Variants in ASIC2 observed in about 807,000 individuals in gnomAD.
ASIC2 encodes acid-sensing ion channel 2.
Under a neutral mutation model 57.3 loss-of-function variants are expected in ASIC2, and 25 were observed. The observed-to-expected ratio is 0.44, with a 90% CI of 0.32 to 0.61. The LOEUF is 0.61. Among genes scored for constraint, ASIC2 ranks in the 20% least tolerant of loss-of-function variants. ASIC2 has a pLI of 0.06. For synonymous variants in ASIC2, 319 were observed against 307.5 expected (o/e 1.04, Z -0.39); for missense variants, 641 against 738.1 (o/e 0.87, Z 1.52).
At chr17:33,890,847 AAAATACTGC>A (rs1914943659) in intron 1 of ASIC2, among the ~76,000 whole-genome samples, 4 of 152,154 alleles carry the variant, frequency 2.6e-5, no homozygotes, top group Non-Finnish European at 4.4e-5. Flanking sequence ...ATGAAAAACA[AAAATACTGC>A]AAATACTGTC....
intron 1 of ASIC2, among the ~76,000 whole-genome samples, chr17:33,248,760 CAGT>C (rs1235112413): frequency 6.6e-6 from 1 of 152,230 alleles, no homozygotes; most frequent in East Asian, 1.9e-4. Flanking sequence ...CTGTATGTGT[CAGT>C]TCCCCCTCTG....
chr17:33,658,593 C>T (rs1040835168), intron 1 of ASIC2, among the ~76,000 whole-genome samples: 2 of 152,116 alleles, frequency 1.3e-5, no homozygotes, highest in Admixed American at 6.5e-5. Flanking sequence ...GCCTGTTGCT[C>T]GTAGATGGTG....
At chr17:33,634,280 C>T (rs1213409709) in intron 1 of ASIC2, among the ~76,000 whole-genome samples, 2 of 152,172 alleles carry the variant, frequency 1.3e-5, no homozygotes, top group East Asian at 3.9e-4. Context: ...ATAGATCAAC[C>T]TCCCCCCTTC....
At chr17:33,667,708 C>T (rs555051147) in intron 1 of ASIC2, among the ~76,000 whole-genome samples, 13 of 152,338 alleles carry the variant, frequency 8.5e-5, no homozygotes, top group African/African-American at 3.1e-4. Context: ...TACTAGCTTA[C>T]AGTCCTACAG....
At chr17:33,151,974 G>A (rs990681799) in intron 1 of ASIC2, among the ~76,000 whole-genome samples, 1 of 152,190 alleles carries the variant, frequency 6.6e-6, no homozygotes, top group Non-Finnish European at 1.5e-5. Context: ...CTTAATAAAT[G>A]TTGTTTCCCC....
intron 1 of ASIC2, among the ~76,000 whole-genome samples, chr17:33,285,675 G>A (rs1905128607): frequency 1.3e-5 from 2 of 152,208 alleles, no homozygotes; most frequent in South Asian, 4.1e-4. Context: ...GCTGCAGAAC[G>A]TGCATGTACC....
At chr17:33,220,710 T>C (rs776493671) in intron 1 of ASIC2, among the ~76,000 whole-genome samples, 5 of 152,134 alleles carry the variant, frequency 3.3e-5, no homozygotes, top group Non-Finnish European at 7.4e-5. Context: ...CTCCACTTCC[T>C]CCAGCTTTCT....
Position 33,461,168 on chromosome 17 carries a change from G to A in ASIC2, c.556-349101C>T, listed in dbSNP as rs139769842. ...CTGCTTTTCTACAATAGTCTCAAAT[G>A]CAAAGTTCACCCACCCAAGGAAGCA... is the stretch of plus-strand genomic sequence containing the variant. On this transcript the variant is annotated intron_variant, in intron 1 of 9. Coordinates refer to the ASIC2 transcript ENST00000359872. Among the ~76,000 whole-genome samples the A allele has an allele frequency of 9.2e-4, 140 of 152,294 alleles. 2 individuals carry two copies. Among genetic ancestry groups the A allele is most frequent in the Admixed American group, 6.0e-3 (91 of 15,290 alleles).
chr17:33,521,093 A>G (rs1009685576), intron 1 of ASIC2, among the ~76,000 whole-genome samples: 4 of 152,148 alleles, frequency 2.6e-5, no homozygotes, highest in Non-Finnish European at 5.9e-5. Flanking sequence ...ACAAGGTTCA[A>G]TAACCTCAAG....
At chr17:33,118,175 T>C (rs1006907091) in intron 1 of ASIC2, among the ~76,000 whole-genome samples, 1 of 152,180 alleles carries the variant, frequency 6.6e-6, no homozygotes, top group Admixed American at 6.5e-5. Context: ...GTTGACACAT[T>C]CTAAATCAGA....
intron 1 of ASIC2, among the ~76,000 whole-genome samples, chr17:33,333,562 T>G (rs554145258): frequency 8.5e-5 from 13 of 152,340 alleles, no homozygotes; most frequent in South Asian, 2.1e-4. Flanking sequence ...TTTAAAGTAG[T>G]TATCTTTTGG....
chr17:33,503,785 T>C (rs952513162), intron 1 of ASIC2, among the ~76,000 whole-genome samples: 1 of 152,214 alleles, frequency 6.6e-6, no homozygotes, highest in Non-Finnish European at 1.5e-5. Context: ...ACAGTCTTTT[T>C]CTGAATCAGT....
intron 1 of ASIC2, among the ~76,000 whole-genome samples, chr17:33,223,477 C>T (rs553884485): frequency 1.3e-5 from 2 of 152,132 alleles, no homozygotes; most frequent in Non-Finnish European, 2.9e-5. Context: ...GCCACCATGC[C>T]CGGCCCCCCT....
chr17:33,092,042 A>AG (rs1237018021), intron 2 of ASIC2, among the ~76,000 whole-genome samples: 2 of 152,158 alleles, frequency 1.3e-5, no homozygotes, highest in Non-Finnish European at 2.9e-5. Context: ...CCCAGAGCTG[A>AG]GGGGGTGACG....
intron 1 of ASIC2, among the ~76,000 whole-genome samples, chr17:33,264,527 C>G (rs2142148968): frequency 6.6e-6 from 1 of 152,336 alleles, no homozygotes; most frequent in Non-Finnish European, 1.5e-5. Context: ...TTCCTGTGAT[C>G]AGAACCACTG....
At chr17:33,371,879 T>C (rs1169834859) in intron 1 of ASIC2, among the ~76,000 whole-genome samples, 1 of 152,102 alleles carries the variant, frequency 6.6e-6, no homozygotes, top group East Asian at 1.9e-4. Context: ...AAAGAGAAAG[T>C]TAAAGCCATG....
chr17:33,375,771 G>A (rs754913415), intron 1 of ASIC2, among the ~76,000 whole-genome samples: 5 of 152,282 alleles, frequency 3.3e-5, no homozygotes, highest in African/African-American at 4.8e-5. Context: ...GCTAATGGAG[G>A]TAGCAATGCA....
intron 1 of ASIC2, among the ~76,000 whole-genome samples, chr17:33,202,453 C>T (rs1448502072): frequency 6.6e-6 from 1 of 152,080 alleles, no homozygotes; most frequent in Non-Finnish European, 1.5e-5. Flanking sequence ...GTGTGTAGGG[C>T]TCAGAGACCT....
chr17:33,249,368 A>G (rs186403398), intron 1 of ASIC2, among the ~76,000 whole-genome samples: 5 of 152,274 alleles, frequency 3.3e-5, no homozygotes, highest in African/African-American at 4.8e-5. Context: ...GCTGGGCTGG[A>G]GATTTTAATA....
Sources: allele counts gnomAD v4.1 joint callset (sites outside exome capture counted in the v4.1 genomes callset), GRCh38; gene constraint gnomAD v4.1.1; transcripts MANE v1.5; gene names NCBI Gene and HGNC (gene_info 2026-07-23, HGNC 2026-07-21).